KCNT1: variants seen among roughly 807,000 people sequenced by gnomAD.
KCNT1 encodes potassium channel subfamily T member 1.
In KCNT1, 78 loss-of-function variants were observed where a neutral mutation model predicts 147.8. The ratio of observed to expected loss-of-function variants is 0.53; its 90% confidence interval spans 0.44 to 0.64. KCNT1 has a LOEUF of 0.64. Among genes scored for constraint, KCNT1 ranks in the 30% least tolerant of loss-of-function variants. KCNT1 has a pLI of 0.00. For synonymous variants in KCNT1, 867 were observed against 748.8 expected, an observed-to-expected ratio of 1.16 and a Z score of -2.58; for missense variants, 1,419 against 1,750.3, an observed-to-expected ratio of 0.81 and a Z score of 3.38.
intron 2 of KCNT1, among the ~76,000 whole-genome samples, chr9:135,731,962 A>ATATATATATATATATATATATG (rs1836458568): frequency 6.8e-5 from 1 of 14,650 alleles, no homozygotes; most frequent in Non-Finnish European, 1.4e-4. Context: ...ATATGCGTGT[A>ATATATATATATATATATATATG]TATATATATA....
intron 2 of KCNT1, among the ~76,000 whole-genome samples, chr9:135,743,545 G>C (rs1199107692): frequency 6.6e-6 from 1 of 152,154 alleles, no homozygotes; most frequent in Admixed American, 6.5e-5. Context: ...GGCCACCACC[G>C]GACCTCTATC....
At chr9:135,786,093 C>T (rs538330648) in intron 28 of KCNT1, 104 bp from the exon 29 acceptor site, 1 of 1,059,702 alleles carries the variant, frequency 9.4e-7, no homozygotes, top group Admixed American at 2.8e-5. Context: ...CACGCAGGCC[C>T]CAAGCTGCAG....
At chr9:135,732,024 A>AGAGAGAGAGGGAGAGAGG (rs1554766183) in intron 2 of KCNT1, among the ~76,000 whole-genome samples, 4 of 65,118 alleles carry the variant, frequency 6.1e-5, no homozygotes, top group East Asian at 6.1e-4. Flanking sequence ...AGAGAGAGAG[A>AGAGAGAGAGGGAGAGAGG]GAGAGAGAGA....
At chr9:135,784,227 C>G in intron 25 of KCNT1, 102 bp downstream of exon 25, 3 of 915,374 alleles carry the variant, frequency 3.3e-6, no homozygotes, top group Non-Finnish European at 5.3e-6. Flanking sequence ...AGGACTCCCT[C>G]TGAATGACCT....
In KCNT1 at chr9:135,794,524, AC is replaced by A. The variant is rs1293602801; in HGVS notation, c.*2365del. 1 of 152,220 alleles carries A rather than the reference AC, an allele frequency of 6.6e-6. No homozygotes were observed. Among genetic ancestry groups the A allele is most frequent in the African/African-American group, 2.4e-5 (1 of 41,458 alleles). 9.4% of individuals were successfully genotyped at this position (152,220 alleles called of 1,614,324 possible). ...GCGGGCAGTCCCTGCCCCTTCACTA[AC>A]CGCAGAGGATGCCAGCTCTAGGCCC... On this transcript the variant is annotated 3_prime_UTR_variant, in exon 31 of 31. Transcript: ENST00000371757.
chr9:135,792,069 C>T lies in KCNT1; in HGVS notation c.3616C>T (p.His1206Tyr), dbSNP rs759561558. ...TCTCATCCGCTCCGACCCCCTGGCT[C>T]ACGTGGCCAGCAGCTCCCAGAGCCG... The part of the protein sequence containing the change: ...VYLIRSDPLA[H>Y]VASSSQSRKS... Residue 1206 changes from histidine to tyrosine, a missense_variant, in exon 31 of 31, where the codon CAC (histidine) becomes TAC (tyrosine). Physicochemically the swap from His to Tyr is moderately conservative, Grantham distance 83. Coordinates refer to ENST00000371757, the MANE Select transcript of KCNT1 (RefSeq NM_020822.3). 24 of 1,604,400 alleles carry T rather than the reference C, an allele frequency of 1.5e-5. No individual in the cohort carries two copies. Among genetic ancestry groups the T allele is most frequent in the Non-Finnish European group, 1.9e-5 (23 of 1,179,780 alleles).
intron 11 of KCNT1, among the ~76,000 whole-genome samples, chr9:135,761,550 T>C (rs1831911811): frequency 6.6e-6 from 1 of 152,212 alleles, no homozygotes; most frequent in South Asian, 2.1e-4. Flanking sequence ...GCAAAGACCC[T>C]TTTGCAAATG....
chr9:135,750,866 C>A, intron 3 of KCNT1, 76 bp from the exon 4 acceptor site: 2 of 1,375,578 alleles, frequency 1.5e-6, no homozygotes, highest in Non-Finnish European at 2.1e-6. Context: ...GAGAGCCCAG[C>A]CAGACCCGGG....
chr9:135,771,317 G>A lies in KCNT1; in HGVS notation c.2008+222G>A, dbSNP rs1454845965. On this transcript the variant is annotated intron_variant, in intron 18 of 30. Coordinates refer to ENST00000371757, the MANE Select transcript of KCNT1 (RefSeq NM_020822.3). ...GGGACAGGAGACCAGACCGGGCAGGGCAGGAGACCAGGCCAATGTGGCCCC... is the reference window on the plus strand; with the variant it reads ...GGGACAGGAGACCAGACCGGGCAGGACAGGAGACCAGGCCAATGTGGCCCC... 1.8e-5 allele frequency: 11 copies of A among 602,588 alleles called. No individual in the cohort carries two copies. In the African/African-American group the frequency reaches 1.9e-4, roughly 10 times the overall value. The allele number at this position is 602,588 out of a possible 1,614,324, so 37.3% of individuals were successfully genotyped here.
chr9:135,714,761 C>T lies in KCNT1; in HGVS notation c.254+41C>T, dbSNP rs186935207. 1,247 of 1,200,332 alleles carry T rather than the reference C, an allele frequency of 1.0e-3. 6 individuals carry two copies. In the African/African-American group the frequency reaches 0.015, roughly 14 times the overall value. 74.4% of individuals were successfully genotyped at this position (1,200,332 alleles called of 1,614,324 possible). The stretch of plus-strand genomic sequence containing the variant: ...GGGGTGGGGGCTGGGGTCGCCGTCC[C>T]GGCGCCGCCGCACGCCCGGAGCTGT... On this transcript the variant is annotated intron_variant, in intron 2 of 30. Coordinates refer to ENST00000371757, the MANE Select transcript of KCNT1 (RefSeq NM_020822.3). This position sits in a 1 kb window ranked among gnomAD's most constrained non-coding sequence, Gnocchi z 6.2.
At chr9:135,780,413 C>T (rs542427144) in intron 24 of KCNT1, among the ~76,000 whole-genome samples, 6 of 152,322 alleles carry the variant, frequency 3.9e-5, no homozygotes, top group South Asian at 2.1e-4. Context: ...AGGACACACA[C>T]GGGCACTCCC....
intron 2 of KCNT1, chr9:135,736,987 C>T (rs1478776539): frequency 6.9e-6 from 2 of 291,164 alleles, no homozygotes; most frequent in Non-Finnish European, 1.3e-5. Flanking sequence ...CCCACTCCCC[C>T]CACGTAGGGG....
In KCNT1 at chr9:135,770,562, G is replaced by A. The variant is rs146553956; in HGVS notation, c.1769+115G>A. 5.1e-5 allele frequency: 68 copies of A among 1,323,522 alleles called. 1 individual carries two copies. Among genetic ancestry groups the A allele is most frequent in the South Asian group, 3.5e-4 (24 of 69,214 alleles). The allele number at this position is 1,323,522 out of a possible 1,614,324, so 82.0% of individuals were successfully genotyped here. On this transcript the variant is annotated intron_variant, in intron 17 of 30. Coordinates refer to ENST00000371757, the MANE Select transcript of KCNT1 (RefSeq NM_020822.3). ...CCTGGGGCGGGGCTGCAGAGGGCTCGGGGGAGGGCATCAGGTCATCCTGCC... is the reference window on the plus strand; with the variant it reads ...CCTGGGGCGGGGCTGCAGAGGGCTCAGGGGAGGGCATCAGGTCATCCTGCC...
intron 11 of KCNT1, among the ~76,000 whole-genome samples, chr9:135,760,386 C>T (rs1831836418): frequency 6.6e-6 from 1 of 152,178 alleles, no homozygotes; most frequent in African/African-American, 2.4e-5. Context: ...GTGCTTGGGC[C>T]TGGACTGCCT....
intron 24 of KCNT1, among the ~76,000 whole-genome samples, chr9:135,781,910 C>T (rs181942443): frequency 3.7e-4 from 56 of 152,262 alleles, no homozygotes; most frequent in African/African-American, 1.3e-3. Flanking sequence ...TAGCAAGTCC[C>T]CATCTATACA....
Position 135,786,177 on chromosome 9 carries a change from C to T in KCNT1, c.3178-20C>T, listed in dbSNP as rs765719430. On this transcript the variant is annotated intron_variant, in intron 28 of 30. Transcript: ENST00000371757. Reference sequence around the variant, plus strand: ...GGCAGCCTCACCCCTCCCCGCCCTGCCCTGCCCTGCCCTGCCCAGTCCCAG... The same window carrying T: ...GGCAGCCTCACCCCTCCCCGCCCTGTCCTGCCCTGCCCTGCCCAGTCCCAG... The T allele has an allele frequency of 8.2e-6, 13 of 1,577,482 alleles. No homozygotes were observed. The highest frequency in any genetic ancestry group is 1.1e-5 in the South Asian group (1 of 88,122).
intron 2 of KCNT1, among the ~76,000 whole-genome samples, chr9:135,731,957 CGTGTATATATATATAT>C (rs1836452556): frequency 2.2e-5 from 1 of 44,882 alleles, no homozygotes; most frequent in Non-Finnish European, 4.4e-5. Context: ...TTCAAATATG[CGTGTATATATATATAT>C]ATATATATAT....
intron 2 of KCNT1, among the ~76,000 whole-genome samples, chr9:135,745,150 A>C (rs1830758683): frequency 6.6e-6 from 1 of 152,156 alleles, no homozygotes; most frequent in South Asian, 2.1e-4. Flanking sequence ...CAGATAAACA[A>C]ATGAGTGAAC....
intron 19 of KCNT1, among the ~76,000 whole-genome samples, chr9:135,774,301 GTGTC>G (rs958664300): frequency 2.0e-5 from 3 of 146,866 alleles, no homozygotes; most frequent in East Asian, 2.1e-4. Flanking sequence ...TGTGGTGTGT[GTGTC>G]TGTGTGCTGT....
Sources: allele counts gnomAD v4.1 joint callset (sites outside exome capture counted in the v4.1 genomes callset), GRCh38; gene constraint gnomAD v4.1.1; non-coding constraint Gnocchi (gnomAD v3.1); transcripts MANE v1.5; gene names NCBI Gene and HGNC (gene_info 2026-07-23, HGNC 2026-07-21).